CPED1: variants seen among roughly 807,000 people sequenced by gnomAD.
CPED1 encodes the protein cadherin like and PC-esterase domain containing 1, also known as cadherin-like and PC-esterase domain-containing protein 1.
Under a neutral mutation model 128.2 loss-of-function variants are expected in CPED1, and 114 were observed. The ratio of observed to expected loss-of-function variants is 0.89; its 90% CI spans 0.76 to 1.04. The LOEUF (loss-of-function observed/expected upper bound fraction) is 1.04. Ranked by LOEUF, CPED1 falls within the 50% of genes least tolerant of loss-of-function variation. The pLI is 0.00. For missense variants in CPED1, 1,211 were observed against 1,207.1 expected (o/e 1.00, Z -0.05); for synonymous variants, 462 against 426.7 (o/e 1.08, Z -1.02).
At chr7:121,278,166 G>T (rs1792366789) in intron 22 of CPED1, among the ~76,000 whole-genome samples, 1 of 152,038 alleles carries the variant, frequency 6.6e-6, no homozygotes, top group Admixed American at 6.6e-5. Flanking sequence ...ATAAGAAAAG[G>T]GTAAAAATAT....
chr7:121,249,646 T>C (rs1798623063), intron 18 of CPED1, among the ~76,000 whole-genome samples: 1 of 152,124 alleles, frequency 6.6e-6, no homozygotes, highest in African/African-American at 2.4e-5. Flanking sequence ...TTGTTTCAAA[T>C]AGACCACCAG....
chr7:121,119,558 G>T (rs1352353218), intron 7 of CPED1, among the ~76,000 whole-genome samples: 6 of 150,952 alleles, frequency 4.0e-5, no homozygotes, highest in Non-Finnish European at 7.4e-5. Flanking sequence ...GGGCGCGGTG[G>T]CTCATGCCTG....
At position 121,147,181 on chromosome 7, in the gene CPED1, T is replaced by G. The variant is rs185013419; in HGVS notation, c.2055+5040T>G. On this transcript the variant is annotated intron_variant, in intron 16 of 22. Transcript: ENST00000310396. ...AGTGTGAATAATTTATGGGTAATCCTTCTGTGTTGTATGTTGGAGAATCAT... is the reference window on the plus strand; with the variant it reads ...AGTGTGAATAATTTATGGGTAATCCGTCTGTGTTGTATGTTGGAGAATCAT... 2.0e-5 allele frequency among the ~76,000 whole-genome samples: 3 copies of G among 152,276 alleles called. No individual in the cohort carries two copies. In the East Asian group the frequency reaches 5.8e-4, roughly 29 times the overall value.
At chr7:121,273,244 C>T (rs149178023) in intron 22 of CPED1, among the ~76,000 whole-genome samples, 2,065 of 151,722 alleles carry the variant, frequency 0.014, 19 homozygotes, top group Non-Finnish European at 0.021. Flanking sequence ...CTTGGTGGGC[C>T]GAGTGTGGTA....
chr7:121,167,893 G>A (rs931032145), intron 16 of CPED1, among the ~76,000 whole-genome samples: 15 of 151,910 alleles, frequency 9.9e-5, no homozygotes, highest in African/African-American at 2.7e-4. Flanking sequence ...CACCATGCCC[G>A]GCTAATTTTT....
intron 16 of CPED1, among the ~76,000 whole-genome samples, chr7:121,160,690 C>A (rs1418586407): frequency 6.6e-6 from 1 of 152,122 alleles, no homozygotes; most frequent in East Asian, 1.9e-4. Context: ...AGGAGCAGTC[C>A]CCTGAGTTCT....
At chr7:121,221,773 T>C (rs1563070091) in intron 16 of CPED1, among the ~76,000 whole-genome samples, 1 of 152,238 alleles carries the variant, frequency 6.6e-6, no homozygotes, top group Non-Finnish European at 1.5e-5. Flanking sequence ...TTTTGAGAAG[T>C]GTCTGTTCAT....
chr7:121,269,775 G>C (rs1206044341), intron 21 of CPED1, among the ~76,000 whole-genome samples: 1 of 151,920 alleles, frequency 6.6e-6, no homozygotes, highest in African/African-American at 2.4e-5. Flanking sequence ...CATGTCTGTT[G>C]GGTGCTTGTA....
chr7:121,199,089 T>A (rs1797330518), intron 16 of CPED1, among the ~76,000 whole-genome samples: 1 of 152,100 alleles, frequency 6.6e-6, no homozygotes, highest in Non-Finnish European at 1.5e-5. Context: ...TGCTTTGAAA[T>A]AGGAATTACA....
chr7:121,111,742 C>T (rs553311299), intron 7 of CPED1, among the ~76,000 whole-genome samples: 2 of 152,286 alleles, frequency 1.3e-5, no homozygotes, highest in South Asian at 4.1e-4. Flanking sequence ...GTTCTTAGAT[C>T]ACCTTCTCCA....
At chr7:121,091,915 A>G (rs1794580653) in intron 5 of CPED1, among the ~76,000 whole-genome samples, 1 of 152,146 alleles carries the variant, frequency 6.6e-6, no homozygotes, top group Non-Finnish European at 1.5e-5. Context: ...TAGATTATGC[A>G]TCTTTATTGG....
At chr7:121,282,139 C>T (rs1792476213) in intron 22 of CPED1, among the ~76,000 whole-genome samples, 1 of 152,006 alleles carries the variant, frequency 6.6e-6, no homozygotes. Context: ...TCATCTGCAC[C>T]CAAATTTAGA....
intron 2 of CPED1, among the ~76,000 whole-genome samples, chr7:121,005,242 C>A (rs2116776184): frequency 6.6e-6 from 1 of 152,252 alleles, no homozygotes; most frequent in African/African-American, 2.4e-5. Context: ...ATCCATGTCC[C>A]TGCAAAGGAC....
chr7:121,022,525 C>T (rs762080693), intron 3 of CPED1, among the ~76,000 whole-genome samples: 1 of 151,844 alleles, frequency 6.6e-6, no homozygotes, highest in Non-Finnish European at 1.5e-5. Flanking sequence ...TCTTTCTATA[C>T]ATATTCAGTT....
chr7:121,033,184 A>C (rs1385937908), intron 3 of CPED1, among the ~76,000 whole-genome samples: 2 of 152,130 alleles, frequency 1.3e-5, no homozygotes, highest in Admixed American at 6.5e-5. Context: ...GATTGAAACC[A>C]CTGCTGAGTG....
chr7:121,189,416 G>GAGAGAA (rs1159012455), intron 16 of CPED1, among the ~76,000 whole-genome samples: 1 of 151,960 alleles, frequency 6.6e-6, no homozygotes, highest in Non-Finnish European at 1.5e-5. Context: ...GGCAACAGGA[G>GAGAGAA]AGAGAAAGAG....
At chr7:121,287,885 T>C (rs942771561) in intron 22 of CPED1, among the ~76,000 whole-genome samples, 62 of 152,284 alleles carry the variant, frequency 4.1e-4, no homozygotes, top group African/African-American at 1.4e-3. Flanking sequence ...AGTATTGTAA[T>C]GGGATCTTTT....
intron 4 of CPED1, among the ~76,000 whole-genome samples, chr7:121,050,046 A>G (rs1793307462): frequency 6.6e-6 from 1 of 152,224 alleles, no homozygotes. Context: ...TGTTACACTC[A>G]GCACCACTAT....
intron 18 of CPED1, among the ~76,000 whole-genome samples, chr7:121,247,433 TGA>T (rs1266665479): frequency 2.0e-5 from 3 of 152,226 alleles, no homozygotes; most frequent in South Asian, 4.2e-4. Flanking sequence ...AAGAAATGCC[TGA>T]GAGAGATCAA....
Sources: allele counts gnomAD v4.1 joint callset (sites outside exome capture counted in the v4.1 genomes callset), GRCh38; gene constraint gnomAD v4.1.1; transcripts MANE v1.5; gene names NCBI Gene and HGNC (gene_info 2026-07-23, HGNC 2026-07-21).